ZFP14: variants seen among roughly 807,000 people sequenced by gnomAD.
ZFP14 encodes zinc finger protein 14 homolog.
In ZFP14, 22 loss-of-function variants were observed where a neutral mutation model predicts 54.5. The ratio of observed to expected loss-of-function variants is 0.40; its 90% CI spans 0.29 to 0.58. The LOEUF is 0.58. Ranked by LOEUF, ZFP14 falls within the 20% of genes least tolerant of loss-of-function variation. ZFP14 has a pLI of 0.39. For missense variants in ZFP14, 470 were observed against 637.8 expected, an observed-to-expected ratio of 0.74 and a Z score of 2.83; for synonymous variants, 159 against 204.0, an observed-to-expected ratio of 0.78 and a Z score of 1.88.
In ZFP14 at chr19:36,354,074, C is replaced by CAAA. The variant is rs34807802; in HGVS notation, c.235+6358_235+6360dup. Among the ~76,000 whole-genome samples, 6 of 85,822 alleles carry CAAA rather than the reference C, an allele frequency of 7.0e-5. 1 individual carries two copies. The highest frequency in any genetic ancestry group is 7.0e-5 in the Non-Finnish European group (3 of 42,784). 56.3% of individuals were successfully genotyped at this position (85,822 alleles called of 152,430 possible). ...TGGGCAACAGAACAAGACCCTGTCT[C>CAAA]AAAAAAAAAAAAAAAAAGCCGGGCA... is the stretch of plus-strand genomic sequence containing the variant. On this transcript the variant is annotated intron_variant, in intron 4 of 4. Transcript: ENST00000270001.
At position 36,352,977 on chromosome 19, in the gene ZFP14, G is replaced by A. The variant is rs2031555431; in HGVS notation, c.235+7458C>T. Among the ~76,000 whole-genome samples the A allele has an allele frequency of 2.1e-5, 3 of 139,746 alleles. 1 individual carries two copies. Among genetic ancestry groups the A allele is most frequent in the South Asian group, 2.3e-4 (1 of 4,410 alleles). 91.7% of individuals were successfully genotyped at this position (139,746 alleles called of 152,430 possible). ...AAAAATTAGCCATGTGTGGTGGTGC[G>A]CACCTGTAGTCCCAACTACTCAGGA... On this transcript the variant is annotated intron_variant, in intron 4 of 4. Coordinates refer to ENST00000270001, the MANE Select transcript of ZFP14 (RefSeq NM_020917.3).
intron 1 of ZFP14, chr19:36,378,531 A>G (rs1174312429): frequency 6.6e-6 from 1 of 152,244 alleles, no homozygotes; most frequent in African/African-American, 2.4e-5. Flanking sequence ...CCCAGAAAAA[A>G]TAAAAATTAC....
In ZFP14 at chr19:36,335,662, G is replaced by C. The variant is rs1393137899; in HGVS notation, c.*4562C>G. The C allele has an allele frequency of 1.3e-5, 2 of 152,000 alleles. No homozygotes were observed. The highest frequency in any genetic ancestry group is 6.6e-5 in the Admixed American group (1 of 15,256). The allele number at this position is 152,000 out of a possible 1,614,324, so 9.4% of individuals were successfully genotyped here. ...AACATATTCCTTTTGGGGGAAAAAT[G>C]CAATCCTACATTTTTACTTGTACTG... On this transcript the variant is annotated 3_prime_UTR_variant, in exon 5 of 5. Coordinates refer to ENST00000270001, the MANE Select transcript of ZFP14 (RefSeq NM_020917.3).
In ZFP14 at chr19:36,335,935, A is replaced by C. The variant is rs892901518; in HGVS notation, c.*4289T>G. ...TTTTTAGTAGAGATGGGGTTTTGCTATGTTGGTCAGGCTGGTCTCGAACTC... is the reference window on the plus strand; with the variant it reads ...TTTTTAGTAGAGATGGGGTTTTGCTCTGTTGGTCAGGCTGGTCTCGAACTC... On this transcript the variant is annotated 3_prime_UTR_variant, in exon 5 of 5. Transcript: ENST00000270001. 2 of 151,904 alleles carry C rather than the reference A, an allele frequency of 1.3e-5. No individual in the cohort carries two copies. Among genetic ancestry groups the C allele is most frequent in the African/African-American group, 4.8e-5 (2 of 41,340 alleles). 9.4% of individuals were successfully genotyped at this position (151,904 alleles called of 1,614,324 possible).
chr19:36,350,654 C>T lies in ZFP14; in HGVS notation c.236-9064G>A, dbSNP rs1444365703. Among the ~76,000 whole-genome samples, 3 of 140,700 alleles carry T rather than the reference C, an allele frequency of 2.1e-5. 1 individual carries two copies. Among genetic ancestry groups the T allele is most frequent in the Non-Finnish European group, 4.7e-5 (3 of 63,872 alleles). The allele number at this position is 140,700 out of a possible 152,430, so 92.3% of individuals were successfully genotyped here. On this transcript the variant is annotated intron_variant, in intron 4 of 4. Coordinates refer to ENST00000270001, the MANE Select transcript of ZFP14 (RefSeq NM_020917.3). The stretch of plus-strand genomic sequence containing the variant: ...CTTCCTAAATACTTCAAGCAGATGA[C>T]AACACAATATCCACCACACTACAAA...
At position 36,354,684 on chromosome 19, in the gene ZFP14, T is replaced by C; in HGVS notation, c.235+5751A>G. ...CTGACCACCCTATTTAAAACATCCCTATCTCTACTTGCCAACTTCCATTCT... is the reference window on the plus strand; with the variant it reads ...CTGACCACCCTATTTAAAACATCCCCATCTCTACTTGCCAACTTCCATTCT... On this transcript the variant is annotated intron_variant, in intron 4 of 4. Transcript: ENST00000270001. 1.4e-5 allele frequency among the ~76,000 whole-genome samples: 2 copies of C among 142,308 alleles called. 1 individual carries two copies. Among genetic ancestry groups the C allele is most frequent in the Admixed American group, 1.5e-4 (2 of 13,726 alleles). 93.4% of individuals were successfully genotyped at this position (142,308 alleles called of 152,430 possible). A position where few individuals can be genotyped will look rare whatever the true frequency, so the allele number is the denominator to read the frequency against.
At chr19:36,361,179 T>C (rs1034415481) in intron 3 of ZFP14, among the ~76,000 whole-genome samples, 2 of 152,222 alleles carry the variant, frequency 1.3e-5, no homozygotes, top group African/African-American at 4.8e-5. Context: ...TTTTAGATTT[T>C]AATTTTCAAT....
intron 1 of ZFP14, chr19:36,378,036 C>G (rs2031990774): frequency 1.3e-5 from 2 of 152,178 alleles, no homozygotes; most frequent in Non-Finnish European, 2.9e-5. Context: ...CTGACAAAAT[C>G]ATATCTATTG....
intron 2 of ZFP14, among the ~76,000 whole-genome samples, chr19:36,365,838 T>C (rs1022462113): frequency 6.6e-6 from 1 of 151,986 alleles, no homozygotes; most frequent in Non-Finnish European, 1.5e-5. Context: ...CACGTGCCTG[T>C]AGTCCCCAGT....
At chr19:36,371,914 T>A (rs1363408276) in intron 1 of ZFP14, among the ~76,000 whole-genome samples, 2 of 135,558 alleles carry the variant, frequency 1.5e-5, no homozygotes, top group Admixed American at 1.7e-4. Flanking sequence ...GCTATGATCA[T>A]GCCACTACAC....
intron 4 of ZFP14, among the ~76,000 whole-genome samples, chr19:36,356,342 C>T (rs1029296785): frequency 2.0e-5 from 3 of 151,462 alleles, no homozygotes; most frequent in Admixed American, 6.6e-5. Flanking sequence ...GTAGGAGAAT[C>T]GCATAAACCT....
chr19:36,353,148 C>T (rs1208959095), intron 4 of ZFP14, among the ~76,000 whole-genome samples: 1 of 141,852 alleles, frequency 7.0e-6, no homozygotes, highest in Non-Finnish European at 1.6e-5. Flanking sequence ...ATGCTGTTTC[C>T]ATTACTGGAG....
At chr19:36,378,420 ATCTGTC>A (rs1361878935) in intron 1 of ZFP14, 1 of 152,274 alleles carries the variant, frequency 6.6e-6, no homozygotes, top group Non-Finnish European at 1.5e-5. Context: ...AACTGGCTTT[ATCTGTC>A]TCTTCCTTCC....
chr19:36,352,331 T>C (rs1422052760), intron 4 of ZFP14, among the ~76,000 whole-genome samples: 2 of 143,410 alleles, frequency 1.4e-5, no homozygotes, highest in African/African-American at 5.1e-5. Flanking sequence ...ATAATGATCA[T>C]GTTATAAAAG....
chr19:36,352,161 G>A (rs1010008370), intron 4 of ZFP14, among the ~76,000 whole-genome samples: 2 of 139,552 alleles, frequency 1.4e-5, no homozygotes, highest in African/African-American at 5.4e-5. Context: ...TCCATTCTGG[G>A]CAACGGAGCC....
At chr19:36,375,430 C>G (rs1171865297) in intron 1 of ZFP14, among the ~76,000 whole-genome samples, 1 of 150,918 alleles carries the variant, frequency 6.6e-6, no homozygotes, top group Admixed American at 6.6e-5. Context: ...CTTTGCCACC[C>G]AGGCTGGAGT....
At chr19:36,375,047 TCTGA>T (rs1395213293) in intron 1 of ZFP14, among the ~76,000 whole-genome samples, 5 of 152,166 alleles carry the variant, frequency 3.3e-5, no homozygotes, top group African/African-American at 1.2e-4. Context: ...GCAAAAAGTC[TCTGA>T]CTGATGTCTT....
chr19:36,371,838 G>C (rs2145563498), intron 1 of ZFP14, among the ~76,000 whole-genome samples: 1 of 152,102 alleles, frequency 6.6e-6, no homozygotes, highest in African/African-American at 2.4e-5. Flanking sequence ...TGTGCCTGTA[G>C]TTCCAGCTAC....
chr19:36,335,890 A>G lies in ZFP14; in HGVS notation c.*4334T>C, dbSNP rs1418922937. The stretch of plus-strand genomic sequence containing the variant: ...GCTTAGATTACAGGTGCCCGCCACC[A>G]TGACAGGCTAATTTTTGTATTTTTA... On this transcript the variant is annotated 3_prime_UTR_variant, in exon 5 of 5. Coordinates refer to ENST00000270001, the MANE Select transcript of ZFP14 (RefSeq NM_020917.3). The G allele has an allele frequency of 2.0e-5, 3 of 151,974 alleles. No individual in the cohort carries two copies. Among genetic ancestry groups the G allele is most frequent in the Admixed American group, 6.6e-5 (1 of 15,242 alleles). 9.4% of individuals were successfully genotyped at this position (151,974 alleles called of 1,614,324 possible). A position where few individuals can be genotyped will look rare whatever the true frequency, so the allele number is the denominator to read the frequency against.
Sources: gnomAD v4.1 joint callset for allele counts (sites outside exome capture counted in the v4.1 genomes callset) on GRCh38, gnomAD v4.1.1 for gene constraint, MANE v1.5 for transcripts, NCBI Gene and HGNC (gene_info 2026-07-23, HGNC 2026-07-21) for gene names.